HLA-DPA1: variants seen among roughly 807,000 people sequenced by gnomAD.
HLA-DPA1 encodes the protein major histocompatibility complex, class II, DP alpha 1, also known as HLA class II histocompatibility antigen, DP alpha 1 chain.
A neutral mutation model predicts 21.5 loss-of-function variants in HLA-DPA1; 20 were observed. The ratio of observed to expected loss-of-function variants is 0.93; its 90% confidence interval spans 0.66 to 1.35. The LOEUF is 1.35. HLA-DPA1 is among the 40% of genes most tolerant of loss of function. The pLI is 0.00. For missense variants in HLA-DPA1, 279 were observed against 323.0 expected, an observed-to-expected ratio of 0.86 and a Z score of 1.05; for synonymous variants, 123 against 129.6, an observed-to-expected ratio of 0.95 and a Z score of 0.35.
chr6:33,071,724 G>A lies in HLA-DPA1; in HGVS notation c.100+1747C>T, dbSNP rs148116262. Among the ~76,000 whole-genome samples the A allele has an allele frequency of 3.3e-3, 495 of 152,160 alleles. 3 individuals carry two copies. The highest frequency in any genetic ancestry group is 0.025 in the East Asian group (129 of 5,172). ...AGATACGTAGGTATACACAAGATGCGACCAAACAGCACATCAGGGAAGGCT... is the reference window on the plus strand; with the variant it reads ...AGATACGTAGGTATACACAAGATGCAACCAAACAGCACATCAGGGAAGGCT... On this transcript the variant is annotated intron_variant, in intron 2 of 5. Transcript: ENST00000419277.
rs12722013 is a variant in HLA-DPA1 at position 33,080,683 on chromosome 6, T to G, written c.-103A>C. The stretch of plus-strand genomic sequence containing the variant: ...CCCCCTCCCCGCAGAGAATTACCTT[T>G]TCCAGGGACGGCAGGAATGCTACGC... On this transcript the variant is annotated 5_prime_UTR_variant, in exon 1 of 6. Coordinates refer to ENST00000419277, the Ensembl canonical transcript of HLA-DPA1. This position sits in a 1 kb window ranked among gnomAD's most constrained non-coding sequence, Gnocchi z 4.3. 2.5e-6 allele frequency: 4 copies of G among 1,612,240 alleles called. No individual in the cohort carries two copies. Among genetic ancestry groups the G allele is most frequent in the South Asian group, 2.2e-5 (2 of 91,014 alleles).
exon 6 of HLA-DPA1, chr6:33,064,841 G>A (rs1301014656): frequency 6.6e-6 from 1 of 152,168 alleles, no homozygotes; most frequent in African/African-American, 2.4e-5. Flanking sequence ...CTATCCTGTA[G>A]TTAGGGAAAA....
At chr6:33,069,481 G>A in intron 3 of HLA-DPA1, 160 bp downstream of exon 2, 2 of 1,072,348 alleles carry the variant, frequency 1.9e-6, no homozygotes, top group Non-Finnish European at 1.4e-6. Context: ...CCTGAGAAGA[G>A]AGGATGCAAG....
At chr6:33,079,921 A>T in intron 1 of HLA-DPA1, 1 of 266,230 alleles carries the variant, frequency 3.8e-6, no homozygotes, top group South Asian at 3.6e-5. Flanking sequence ...AAAAAATTAC[A>T]TCAATGCCTC....
Position 33,074,192 on chromosome 6 carries a change from G to A in HLA-DPA1, c.-99-523C>T, listed in dbSNP as rs145957922. 3.6e-3 allele frequency among the ~76,000 whole-genome samples: 542 copies of A among 152,130 alleles called. 3 individuals are homozygous for A. The highest frequency in any genetic ancestry group is 0.026 in the East Asian group (133 of 5,186). On this transcript the variant is annotated intron_variant, in intron 1 of 5. Transcript: ENST00000419277. The stretch of plus-strand genomic sequence containing the variant: ...ACTTGAATGAAGTTGATCTTTAATT[G>A]TTTATCTATTCCTGGTTACCTTTGT...
intron 2 of HLA-DPA1, 175 bp downstream of exon 1, chr6:33,073,296 A>G: frequency 1.8e-6 from 1 of 549,944 alleles, no homozygotes. Flanking sequence ...ACTATGCAGG[A>G]GTCTCATAAA....
intron 2 of HLA-DPA1, among the ~76,000 whole-genome samples, chr6:33,072,181 A>G (rs72500561): frequency 0.08 from 12,237 of 152,244 alleles, 1,355 homozygotes; most frequent in East Asian, 0.54. Context: ...CTCAAGTCAG[A>G]GGCACTGAGA....
rs1762377332 is a variant in HLA-DPA1, at chr6:33,073,406, G to A, written c.100+65C>T. Reference sequence around the variant, plus strand: ...GCCCCTAAAATCTGTGATCCCTGAAGCAGCAATTGATGTGAACCACCCCAT... The same window carrying A: ...GCCCCTAAAATCTGTGATCCCTGAAACAGCAATTGATGTGAACCACCCCAT... On this transcript the variant is annotated intron_variant, in intron 2 of 5. Coordinates refer to ENST00000419277, the Ensembl canonical transcript of HLA-DPA1. The A allele has an allele frequency of 3.1e-6, 3 of 977,534 alleles. No homozygotes were observed. The Admixed American group carries it at 5.3e-5, about 17-fold the overall frequency. 60.6% of individuals were successfully genotyped at this position (977,534 alleles called of 1,614,324 possible). A position where few individuals can be genotyped will look rare whatever the true frequency, so the allele number is the denominator to read the frequency against.
In HLA-DPA1 at chr6:33,073,470, C is replaced by T. The variant is rs775726755; in HGVS notation, c.100+1G>A. 2.5e-6 allele frequency: 4 copies of T among 1,607,874 alleles called. No individual in the cohort carries two copies. Among genetic ancestry groups the T allele is most frequent in the African/African-American group, 1.3e-5 (1 of 74,936 alleles). On this transcript the variant is annotated splice_donor_variant, in intron 2 of 5. Coordinates refer to ENST00000419277, the Ensembl canonical transcript of HLA-DPA1. LOFTEE classifies it high-confidence loss of function. Reference sequence around the variant, plus strand: ...GCTCCTGCGTCCTCCTGAGCACTCACCCTTGATGGCCCCAGCTCCTCGGAG... The same window carrying T: ...GCTCCTGCGTCCTCCTGAGCACTCATCCTTGATGGCCCCAGCTCCTCGGAG...
At chr6:33,073,805 G>T (rs779501016) in intron 1 of HLA-DPA1, 156 bp from the exon 1 acceptor site, 23 of 509,184 alleles carry the variant, frequency 4.5e-5, no homozygotes, top group Non-Finnish European at 7.3e-5. Context: ...TTAGGTACCA[G>T]CGTGGTCAAG....
intron 1 of HLA-DPA1, chr6:33,076,150 C>T (rs564626925): frequency 1.4e-4 from 219 of 1,577,786 alleles, no homozygotes; most frequent in Non-Finnish European, 1.6e-4. Context: ...AGGTAAGAGC[C>T]GAACTGCCAT....
intron 1 of HLA-DPA1, chr6:33,079,566 G>T: frequency 2.6e-6 from 1 of 383,030 alleles, no homozygotes. Flanking sequence ...CGGAAACCCA[G>T]AGGTCTTAAC....
At position 33,073,472 on chromosome 6, in the gene HLA-DPA1, C is replaced by T; in HGVS notation, c.99G>A (p.Lys33=). ...TCCTGCGTCCTCCTGAGCACTCACC[C>T]TTGATGGCCCCAGCTCCTCGGAGAC... The change falls in exon 2 of 6, where the codon AAG becomes AAA. Residue 33 remains lysine (K), a splice_region_variant and synonymous_variant. Transcript: ENST00000419277. 5 of 1,609,342 alleles carry T rather than the reference C, an allele frequency of 3.1e-6. No individual in the cohort carries two copies. The South Asian group carries it at 5.5e-5, about 18-fold the overall frequency.
rs960968412 is a variant in HLA-DPA1 at position 33,080,208 on chromosome 6, A to G, written c.-100+472T>C. On this transcript the variant is annotated intron_variant, in intron 1 of 5. Transcript: ENST00000419277. The surrounding 1 kb of genome is among the most constrained non-coding windows in gnomAD (Gnocchi z 4.3). ...TTAGCTATGGAAAAGAGAAAGAAGG[A>G]AGGGAGGGCTTCCTGGAGGAGGTGG... Among the ~76,000 whole-genome samples the G allele has an allele frequency of 6.6e-6, 1 of 152,196 alleles. No homozygotes were observed.
rs141932352 is a variant in HLA-DPA1 at position 33,072,983 on chromosome 6, T to C, written c.100+488A>G. 3.6e-3 allele frequency among the ~76,000 whole-genome samples: 543 copies of C among 152,016 alleles called. 3 individuals are homozygous for C. Among genetic ancestry groups the C allele is most frequent in the East Asian group, 0.026 (133 of 5,178 alleles). On this transcript the variant is annotated intron_variant, in intron 2 of 5. Coordinates refer to ENST00000419277, the Ensembl canonical transcript of HLA-DPA1. The stretch of plus-strand genomic sequence containing the variant: ...TTGCACTTCGTCTCCTAATGCAGAG[T>C]CCATAGCTCGGAGTTCCTGTAAAGC...
At chr6:33,068,656 G>A in exon 5 of HLA-DPA1, 1 of 1,611,884 alleles carries the variant, frequency 6.2e-7, no homozygotes, top group Non-Finnish European at 8.5e-7. Flanking sequence ...TATTTCACAG[G>A]GTCCCCTGGG....
rs746545700 is a variant in HLA-DPA1, at chr6:33,073,808, T to C, written c.-99-139A>G. 2.8e-5 allele frequency: 14 copies of C among 494,676 alleles called. 1 individual carries two copies. Among genetic ancestry groups the C allele is most frequent in the South Asian group, 1.4e-4 (4 of 29,566 alleles). The allele number at this position is 494,676 out of a possible 1,614,324, so 30.6% of individuals were successfully genotyped here. On this transcript the variant is annotated intron_variant, in intron 1 of 5. Coordinates refer to ENST00000419277, the Ensembl canonical transcript of HLA-DPA1. ...GATGGGAGAATTTTAGGTACCAGCG[T>C]GGTCAAGAGAGCTCCAGTTCACAGT...
intron 5 of HLA-DPA1, chr6:33,067,318 T>A (rs146542010): frequency 2.6e-5 from 4 of 152,032 alleles, no homozygotes; most frequent in African/African-American, 9.7e-5. Context: ...CTTTGTCCCC[T>A]CTCCGGGTAA....
At chr6:33,079,751 G>A (rs577895081) in intron 1 of HLA-DPA1, 2 of 498,090 alleles carry the variant, frequency 4.0e-6, no homozygotes, top group Non-Finnish European at 4.0e-6. Context: ...TGCTGAGATC[G>A]CTCACAAAAT....
Sources: allele counts gnomAD v4.1 joint callset (sites outside exome capture counted in the v4.1 genomes callset), GRCh38; gene constraint gnomAD v4.1.1; non-coding constraint Gnocchi (gnomAD v3.1); transcripts MANE v1.5; gene names NCBI Gene and HGNC (gene_info 2026-07-23, HGNC 2026-07-21).